The following SERPINA9 variants were observed in gnomAD, a reference collection of about 807,000 sequenced individuals.
SERPINA9 encodes the protein serpin A9.
A neutral mutation model predicts 24.5 loss-of-function variants in SERPINA9; 32 were observed. The observed-to-expected ratio is 1.30, with a 90% CI of 0.98 to 1.75. The LOEUF (loss-of-function observed/expected upper bound fraction) is 1.75, where lower values mean the gene tolerates loss of function less well. Ranked by LOEUF, SERPINA9 falls within the 40% of genes most tolerant of loss-of-function variation. The pLI is 0.00. For synonymous variants in SERPINA9, 233 were observed against 197.7 expected (o/e 1.18, Z -1.50); for missense variants, 594 against 497.1 (o/e 1.19, Z -1.85).
chr14:94,475,744 C>T (rs147256253), intron 1 of SERPINA9, among the ~76,000 whole-genome samples: 5 of 152,300 alleles, frequency 3.3e-5, no homozygotes, highest in Middle Eastern at 3.4e-3. Context: ...CTGATCCTTG[C>T]TGTTAGTTTG....
chr14:94,475,439 C>T (rs1466899276), intron 1 of SERPINA9, among the ~76,000 whole-genome samples: 2 of 11,116 alleles, frequency 1.8e-4, no homozygotes, highest in African/African-American at 7.7e-4. Context: ...CACACACATA[C>T]ACACACACAC....
chr14:94,475,614 G>T (rs574023686), intron 1 of SERPINA9, among the ~76,000 whole-genome samples: 1 of 152,096 alleles, frequency 6.6e-6, no homozygotes, highest in South Asian at 2.1e-4. Flanking sequence ...CACCAATAAA[G>T]CAGAGGATCG....
chr14:94,472,392 G>C (rs1021086469), intron 1 of SERPINA9, among the ~76,000 whole-genome samples: 2 of 152,038 alleles, frequency 1.3e-5, no homozygotes, highest in African/African-American at 4.8e-5. Context: ...GCCCTCCCTG[G>C]CTCCCCTCTC....
intron 1 of SERPINA9, 79 bp from the exon 2 acceptor site, chr14:94,469,936 G>A (rs996547088): frequency 1.2e-4 from 136 of 1,167,362 alleles, no homozygotes; most frequent in Admixed American, 5.1e-4. Context: ...ACACCCCCAC[G>A]CCATCAGCAG....
At chr14:94,475,378 C>A (rs187885790) in intron 1 of SERPINA9, among the ~76,000 whole-genome samples, 17 of 152,260 alleles carry the variant, frequency 1.1e-4, no homozygotes, top group Admixed American at 9.2e-4. Flanking sequence ...TGGATGCCCA[C>A]CCTGCTACAT....
In SERPINA9 at chr14:94,464,746, A is replaced by G. The variant is rs1898915664; in HGVS notation, c.1011T>C (p.Phe337=). ...GGGAGTCTCTCTTTGCAATTCCAGA[A>G]AAATCAGCATTTTTGTCAAAGACAT... ...IQNVFDKNAD[F]SGIAKRDSLQ... Residue 337 remains phenylalanine, a synonymous_variant, in exon 4 of 5, where the codon TTT becomes TTC. Coordinates refer to ENST00000674397, the MANE Select transcript of SERPINA9 (RefSeq NM_175739.4). The G allele has an allele frequency of 6.2e-7, 1 of 1,613,968 alleles. No homozygotes were observed. Among genetic ancestry groups the G allele is most frequent in the East Asian group, 2.2e-5 (1 of 44,880 alleles).
chr14:94,474,190 T>G (rs959646323), intron 1 of SERPINA9, among the ~76,000 whole-genome samples: 4 of 152,142 alleles, frequency 2.6e-5, no homozygotes, highest in African/African-American at 9.7e-5. Flanking sequence ...CCCCTTTCTG[T>G]GGAGGCTGGC....
At position 94,467,115 on chromosome 14, in the gene SERPINA9, T is replaced by C. The variant is rs777171061; in HGVS notation, c.896A>G (p.Gln299Arg). 72 of 1,613,548 alleles carry C rather than the reference T, an allele frequency of 4.5e-5. No homozygotes were observed. The South Asian group carries it at 7.5e-4, about 17-fold the overall frequency. Residue 299 changes from glutamine (Q) to arginine (R), a missense_variant, in exon 3 of 5, where the codon CAG (glutamine) becomes CGG (arginine). Transcript: ENST00000674397. ...GATTGACACAGATGCCCACCTTTTC[T>C]GGAGTGAGTGGCTCCACTTTCTCAG... Reference protein sequence around the residue: ...RTLRKWSHSLQKRWIEVFIPR... With the variant: ...RTLRKWSHSLRKRWIEVFIPR...
At chr14:94,470,057 A>G (rs909511671) in intron 1 of SERPINA9, 200 bp from the exon 2 acceptor site, 2 of 662,842 alleles carry the variant, frequency 3.0e-6, no homozygotes, top group Non-Finnish European at 4.5e-6. Context: ...GCAAATGAGT[A>G]AACAGGCCAC....
At chr14:94,472,077 C>G (rs148215942) in intron 1 of SERPINA9, among the ~76,000 whole-genome samples, 1 of 151,682 alleles carries the variant, frequency 6.6e-6, no homozygotes, top group Admixed American at 6.6e-5. Flanking sequence ...GGACAGATAG[C>G]CAGGGTCCTG....
rs760629091 is a variant in SERPINA9, at chr14:94,469,730, C to G, written c.111G>C (p.Lys37Asn). ...AATACACCTGTGAGGCAGGGGTGCT[C>G]TTTGTGGAGGAAGGGCGGGGGTATG... ...PSAYPRPSST[K>N]STPASQVYSL... Residue 37 changes from lysine to asparagine, a missense_variant, in exon 2 of 5, where the codon AAG becomes AAC. Physicochemically the swap from Lys to Asn is moderately conservative, Grantham distance 94. Transcript: ENST00000674397. The G allele has an allele frequency of 1.3e-6, 2 of 1,589,552 alleles. No homozygotes were observed. The highest frequency in any genetic ancestry group is 1.3e-5 in the African/African-American group (1 of 74,484).
intron 1 of SERPINA9, chr14:94,475,908 G>A (rs1899615430): frequency 1.7e-6 from 1 of 578,094 alleles, no homozygotes; most frequent in Non-Finnish European, 3.0e-6. Context: ...TGTATTCATG[G>A]TCTCTGTGGC....
intron 1 of SERPINA9, among the ~76,000 whole-genome samples, chr14:94,472,232 C>T (rs917993960): frequency 2.0e-5 from 3 of 152,166 alleles, no homozygotes; most frequent in African/African-American, 4.8e-5. Flanking sequence ...GGTCCACCTC[C>T]CTCCCTTCTC....
At chr14:94,468,426 C>T (rs546497501) in intron 2 of SERPINA9, among the ~76,000 whole-genome samples, 41 of 152,216 alleles carry the variant, frequency 2.7e-4, no homozygotes, top group African/African-American at 3.1e-4. Context: ...AGGGATGATA[C>T]GGTGGCATCC....
intron 3 of SERPINA9, among the ~76,000 whole-genome samples, chr14:94,466,802 A>G (rs938052394): frequency 6.6e-6 from 1 of 152,184 alleles, no homozygotes; most frequent in South Asian, 2.1e-4. Context: ...ATAGATTTCA[A>G]TATCAGATAG....
At chr14:94,470,150 C>T in intron 1 of SERPINA9, 7 of 1,128,648 alleles carry the variant, frequency 6.2e-6, no homozygotes, top group Non-Finnish European at 6.5e-6. Context: ...TCTCAAATTC[C>T]AAATCCCATG....
At chr14:94,473,481 T>C (rs1899425801) in intron 1 of SERPINA9, among the ~76,000 whole-genome samples, 1 of 141,186 alleles carries the variant, frequency 7.1e-6, no homozygotes, top group South Asian at 2.2e-4. Context: ...ATCAGGCCAT[T>C]GCACTCCAGC....
chr14:94,474,517 A>G, intron 1 of SERPINA9, among the ~76,000 whole-genome samples: 1 of 152,038 alleles, frequency 6.6e-6, no homozygotes, highest in Non-Finnish European at 1.5e-5. Context: ...CCCCCAGGTC[A>G]TTGCTCTCTT....
At chr14:94,463,391 T>A (rs918528661) in intron 4 of SERPINA9, 95 bp from the exon 5 acceptor site, 57 of 1,065,100 alleles carry the variant, frequency 5.4e-5, no homozygotes, top group Non-Finnish European at 6.5e-5. Flanking sequence ...GGAATGGTGA[T>A]GTCTACCTTG....
Sources: allele counts gnomAD v4.1 joint callset (sites outside exome capture counted in the v4.1 genomes callset), GRCh38; gene constraint gnomAD v4.1.1; transcripts MANE v1.5; gene names NCBI Gene and HGNC (gene_info 2026-07-23, HGNC 2026-07-21).